SETD2: variants seen among roughly 807,000 people sequenced by gnomAD.
The protein encoded by SETD2 is SET domain containing 2, histone lysine methyltransferase, also known as histone-lysine N-methyltransferase SETD2.
SETD2 carries 31 observed loss-of-function variants against 242.1 expected under a neutral mutation model. The ratio of observed to expected loss-of-function variants is 0.13; its 90% CI spans 0.10 to 0.17. The LOEUF is 0.17. Ranked by LOEUF, SETD2 falls within the 10% of genes least tolerant of loss-of-function variation. The pLI, the probability that SETD2 is intolerant of heterozygous loss-of-function variation, is 1.00. For missense variants in SETD2, 2,481 were observed against 3,046.3 expected (o/e 0.81, Z 4.37); for synonymous variants, 1,006 against 1,066.5 (o/e 0.94, Z 1.11).
At position 47,123,736 on chromosome 3, in the gene SETD2, C is replaced by G. The variant is rs2043204832; in HGVS notation, c.900G>C (p.Leu300=). 16 of 1,550,790 alleles carry G rather than the reference C, an allele frequency of 1.0e-5. No individual in the cohort carries two copies. The highest frequency in any genetic ancestry group is 1.3e-5 in the Non-Finnish European group (15 of 1,146,708). ...EEIPDSSKIS[L]SCKKTGSKKK... ...TCTTAGAACCTGTTTTTTTACAGCT[C>G]AGACTAATCTTAGAACTATCTGGAA... Residue 300 remains leucine (L), a synonymous_variant, in exon 3 of 21, where the codon CTG becomes CTC. Transcript: ENST00000409792.
intron 12 of SETD2, among the ~76,000 whole-genome samples, chr3:47,073,025 C>T (rs1460044106): frequency 1.3e-5 from 2 of 150,932 alleles, no homozygotes; most frequent in Admixed American, 6.6e-5. Context: ...CAGCCCATGC[C>T]TATAGTCCCA....
chr3:47,122,179 A>T lies in SETD2; in HGVS notation c.2457T>A (p.Ile819=), dbSNP rs2106671266. 1 of 1,614,040 alleles carries T rather than the reference A, an allele frequency of 6.2e-7. No homozygotes were observed. Among genetic ancestry groups the T allele is most frequent in the Non-Finnish European group, 8.5e-7 (1 of 1,179,942 alleles). The change falls in exon 3 of 21, where the codon ATT becomes ATA. Residue 819 remains isoleucine (I), a synonymous_variant. Coordinates refer to ENST00000409792, the MANE Select transcript of SETD2 (RefSeq NM_014159.7). ...AENIEPSVMK[I]SSNSFMNVHL... Reference sequence around the variant, plus strand: ...GCACATTCATAAAGCTATTTGAAGAAATCTTCATAACTGAAGGCTCAATAT... The same window carrying T: ...GCACATTCATAAAGCTATTTGAAGATATCTTCATAACTGAAGGCTCAATAT...
rs1414893260 is a variant in SETD2 at position 47,162,649 on chromosome 3, G to C, written c.71+1205C>G. ...GCAAGGGATTCAAAAACGAGCCAGAGCAAACCTAAGGTAAAATGTGTCAAA... is the reference window on the plus strand; with the variant it reads ...GCAAGGGATTCAAAAACGAGCCAGACCAAACCTAAGGTAAAATGTGTCAAA... On this transcript the variant is annotated intron_variant, in intron 1 of 20. Coordinates refer to ENST00000409792, the MANE Select transcript of SETD2 (RefSeq NM_014159.7). Among the ~76,000 whole-genome samples, 2 of 152,274 alleles carry C rather than the reference G, an allele frequency of 1.3e-5. 1 individual carries two copies. Among genetic ancestry groups the C allele is most frequent in the African/African-American group, 4.8e-5 (2 of 41,562 alleles).
chr3:47,077,775 G>A (rs1286433005), intron 12 of SETD2, among the ~76,000 whole-genome samples: 2 of 152,152 alleles, frequency 1.3e-5, no homozygotes, highest in Admixed American at 6.5e-5. Context: ...AGTACAAGAT[G>A]AGCCTGGAAC....
At chr3:47,137,732 G>A (rs1160675045) in intron 1 of SETD2, among the ~76,000 whole-genome samples, 1 of 152,118 alleles carries the variant, frequency 6.6e-6, no homozygotes, top group African/African-American at 2.4e-5. Context: ...TGTCGCCCAG[G>A]CTGGAGTGCA....
intron 16 of SETD2, among the ~76,000 whole-genome samples, chr3:47,045,556 G>T (rs2039484450): frequency 6.8e-6 from 1 of 147,600 alleles, no homozygotes; most frequent in African/African-American, 2.5e-5. Flanking sequence ...AAATTAGCTG[G>T]GTGCAGTGAT....
rs770266108 is a variant in SETD2 at position 47,124,273 on chromosome 3, A to C, written c.363T>G (p.Gly121=). ...DSTPKMKMEI[G]DTLSTAEESS... is the part of the protein sequence containing the mutation. ...ATTCTTCTGCAGTAGATAAGGTATC[A>C]CCAATTTCCATTTTCATTTTAGGAG... is the stretch of plus-strand genomic sequence containing the variant. Residue 121 remains glycine (G), a synonymous_variant, in exon 3 of 21, where the codon GGT becomes GGG. Coordinates refer to ENST00000409792, the MANE Select transcript of SETD2 (RefSeq NM_014159.7). 1.5e-5 allele frequency: 24 copies of C among 1,551,644 alleles called. No homozygotes were observed. In the South Asian group the frequency reaches 2.1e-4, roughly 14 times the overall value.
chr3:47,140,294 C>T (rs1435928483), intron 1 of SETD2, among the ~76,000 whole-genome samples: 1 of 152,140 alleles, frequency 6.6e-6, no homozygotes, highest in Non-Finnish European at 1.5e-5. Flanking sequence ...TGATATTCAC[C>T]TGTTAAAGCC....
chr3:47,042,779 A>G, intron 16 of SETD2, 79 bp from the exon 17 acceptor site: 1 of 1,277,162 alleles, frequency 7.8e-7, no homozygotes, highest in South Asian at 1.4e-5. Context: ...GCCCACTTAA[A>G]TATGTAAAAA....
rs587778675 is a variant in SETD2, at chr3:47,122,339, A to G, written c.2297T>C (p.Met766Thr). Residue 766 changes from methionine to threonine, a missense_variant, in exon 3 of 21, where the codon ATG becomes ACG. This residue lies in a region of SETD2 where 1,300 missense variants were observed against 1,259.2 expected (regional missense o/e 1.03). Transcript: ENST00000409792. ...TACTGTTTTGGAATAATCCACAGTC[A>G]TAACTGGCATAGACATGAGTTTATC... The part of the protein sequence containing the change: ...HQDKLMSMPV[M>T]TVDYSKTVVK... 3 of 1,614,102 alleles carry G rather than the reference A, an allele frequency of 1.9e-6. No homozygotes were observed. The highest frequency in any genetic ancestry group is 3.3e-5 in the Admixed American group (2 of 60,010).
intron 4 of SETD2, 57 bp from the exon 5 acceptor site, chr3:47,114,061 A>C (rs974341712): frequency 6.4e-7 from 1 of 1,559,992 alleles, no homozygotes; most frequent in Non-Finnish European, 8.7e-7. Flanking sequence ...AACCAAAGTA[A>C]CTTTGAAAAA....
chr3:47,091,619 C>T (rs1446549178), intron 9 of SETD2, among the ~76,000 whole-genome samples: 2 of 152,054 alleles, frequency 1.3e-5, no homozygotes, highest in Admixed American at 6.6e-5. Flanking sequence ...AAAAATTAGC[C>T]GGGCATGATG....
chr3:47,123,714 T>C lies in SETD2; in HGVS notation c.922A>G (p.Lys308Glu), dbSNP rs2106710489. ...CCTTCAGATTGTGAGGATTTCTTCTTAGAACCTGTTTTTTTACAGCTCAGA... is the reference window on the plus strand; with the variant it reads ...CCTTCAGATTGTGAGGATTTCTTCTCAGAACCTGTTTTTTTACAGCTCAGA... ...ISLSCKKTGSKKKSSQSEGIF... is the reference protein window; with the variant it reads ...ISLSCKKTGSEKKSSQSEGIF... Residue 308 changes from lysine to glutamate, a missense_variant, in exon 3 of 21, where the codon AAG (lysine) becomes GAG (glutamate). By Grantham distance (56) the Lys-to-Glu change is moderately conservative. This residue lies in a region of SETD2 where 334 missense variants were observed against 374.5 expected (regional missense o/e 0.89). Coordinates refer to ENST00000409792, the MANE Select transcript of SETD2 (RefSeq NM_014159.7). 1.9e-6 allele frequency: 3 copies of C among 1,551,498 alleles called. No homozygotes were observed. The highest frequency in any genetic ancestry group is 2.4e-5 in the East Asian group (1 of 40,916).
chr3:47,117,112 G>C lies in SETD2; in HGVS notation c.4455-358C>G, dbSNP rs372985442. On this transcript the variant is annotated intron_variant, in intron 3 of 20. Transcript: ENST00000409792. The stretch of plus-strand genomic sequence containing the variant: ...ACTCCTGGGCTCAAGAAATTCCCCT[G>C]CCTCCACTTCCCAAAGTGCTGCAAT... 3.3e-5 allele frequency among the ~76,000 whole-genome samples: 5 copies of C among 151,886 alleles called. No homozygotes were observed. The East Asian group carries it at 9.6e-4, about 29-fold the overall frequency.
chr3:47,138,355 C>T, intron 1 of SETD2: 3 of 209,022 alleles, frequency 1.4e-5, no homozygotes, highest in South Asian at 5.6e-5. Flanking sequence ...CTGCAACCTC[C>T]ACCTCCTGGG....
rs2040106642 is a variant in SETD2, at chr3:47,056,921, G to T, written c.6863C>A (p.Pro2288His). ...ATATATGGTTGCTTGAGACTGTGCA[G>T]GAGAGTACTGCTGCTGTACACTGAC... ...QSVSVQQQYS[P>H]AQSQATIYYQ... Residue 2288 changes from proline (P) to histidine (H), a missense_variant, in exon 15 of 21, where the codon CCT (proline) becomes CAT (histidine). Pro to His is a moderately conservative substitution (Grantham distance 77). Transcript: ENST00000409792. The T allele has an allele frequency of 6.2e-7, 1 of 1,614,206 alleles. No homozygotes were observed. Among genetic ancestry groups the T allele is most frequent in the African/African-American group, 1.3e-5 (1 of 75,076 alleles).
chr3:47,157,692 G>C, intron 1 of SETD2: 1 of 367,236 alleles, frequency 2.7e-6, no homozygotes, highest in Non-Finnish European at 5.3e-6. Flanking sequence ...TGACCAACAT[G>C]GAGAAACCCC....
At chr3:47,161,132 C>T (rs542510378) in intron 1 of SETD2, among the ~76,000 whole-genome samples, 1 of 152,242 alleles carries the variant, frequency 6.6e-6, no homozygotes, top group East Asian at 1.9e-4. Flanking sequence ...GCCATGTTGC[C>T]CACCTAGTCT....
rs561732136 is a variant in SETD2 at position 47,058,704 on chromosome 3, T to C, written c.6294-1214A>G. Among the ~76,000 whole-genome samples the C allele has an allele frequency of 8.6e-5, 13 of 151,930 alleles. No homozygotes were observed. The South Asian group carries it at 2.7e-3, about 32-fold the overall frequency. ...ATACTATATATCACTTTTTTGACAT[T>C]ATGGAGAAGACAAAACCAGAGGGTC... On this transcript the variant is annotated intron_variant, in intron 14 of 20. Transcript: ENST00000409792.
Sources: gnomAD v4.1 joint callset for allele counts (sites outside exome capture counted in the v4.1 genomes callset) on GRCh38, gnomAD v4.1.1 for gene constraint, gnomAD v4.1.1 regional missense constraint, MANE v1.5 for transcripts, NCBI Gene and HGNC (gene_info 2026-07-23, HGNC 2026-07-21) for gene names.